The following TRIP12 variants were observed in gnomAD, a reference collection of about 807,000 sequenced individuals.
TRIP12 encodes the protein E3 ubiquitin-protein ligase TRIP12.
Under a neutral mutation model 244.2 loss-of-function variants are expected in TRIP12, and 25 were observed. The observed-to-expected ratio is 0.10, with a 90% CI of 0.07 to 0.14. TRIP12 has a LOEUF of 0.14. Ranked by LOEUF, TRIP12 falls within the 10% of genes least tolerant of loss-of-function variation. TRIP12 has a pLI of 1.00. For synonymous variants in TRIP12, 905 were observed against 873.1 expected (o/e 1.04, Z -0.64); for missense variants, 1,677 against 2,486.4 (o/e 0.67, Z 6.92).
chr2:229,795,251 T>A lies in TRIP12; in HGVS notation c.3896A>T (p.Asn1299Ile). 6.2e-7 allele frequency: 1 copy of A among 1,614,114 alleles called. No individual in the cohort carries two copies. Among genetic ancestry groups the A allele is most frequent in the Non-Finnish European group, 8.5e-7 (1 of 1,179,988 alleles). The part of the protein sequence containing the change: ...PLLALVHKMN[N>I]CLSQMEQFPV... ...AAATTGTTCCATCTGGCTGAGGCAG[T>A]TGTTCATCTTGTGAACTAATGCCAA... Residue 1299 changes from asparagine to isoleucine, a missense_variant, in exon 26 of 42, where the codon AAC becomes ATC. Physicochemically the swap from Asn to Ile is moderately radical, Grantham distance 149. Around this residue, in one of 11 missense-constraint regions of TRIP12, gnomAD observed 77 missense variants for 69.2 expected, o/e 1.11. Transcript: ENST00000675903.
chr2:229,860,196 AAT>A (rs2060234526), intron 3 of TRIP12, among the ~76,000 whole-genome samples: 1 of 152,224 alleles, frequency 6.6e-6, no homozygotes, highest in Admixed American at 6.5e-5. Flanking sequence ...TCCAAACAAA[AAT>A]ATCATTTTAT....
intron 34 of TRIP12, among the ~76,000 whole-genome samples, chr2:229,780,651 T>C (rs576330709): frequency 9.1e-4 from 139 of 152,294 alleles, no homozygotes; most frequent in African/African-American, 3.2e-3. Flanking sequence ...TGCTTCTCTG[T>C]TCTTGTGCTA....
rs1287737255 is a variant in TRIP12 at position 229,814,140 on chromosome 2, TTACAAAAACTGCAATCAAGTAGCCTG to T, written c.1824+67_1824+92del. ...TTACTCTGGAAACAACATTTGTATC[TTACAAAAACTGCAATCAAGTAGCCTG>T]TACAAATGTGGATTTTAAAAATTCT... On this transcript the variant is annotated intron_variant, in intron 12 of 41. Transcript: ENST00000675903. 3 of 1,527,814 alleles carry T rather than the reference TTACAAAAACTGCAATCAAGTAGCCTG, an allele frequency of 2.0e-6. No individual in the cohort carries two copies. In the African/African-American group the frequency reaches 4.2e-5, roughly 21 times the overall value. The allele number at this position is 1,527,814 out of a possible 1,614,324, so 94.6% of individuals were successfully genotyped here.
At chr2:229,815,634 C>T (rs1243527633) in intron 9 of TRIP12, among the ~76,000 whole-genome samples, 1 of 151,842 alleles carries the variant, frequency 6.6e-6, no homozygotes, top group Non-Finnish European at 1.5e-5. Context: ...TAATATATCC[C>T]TGAGGACTTA....
At chr2:229,905,354 A>G (rs1178900700) in intron 1 of TRIP12, among the ~76,000 whole-genome samples, 1 of 152,194 alleles carries the variant, frequency 6.6e-6, no homozygotes. Flanking sequence ...ACTAAGTTAT[A>G]GCAGGCAAAA....
At chr2:229,793,375 A>G in intron 26 of TRIP12, 1 of 333,060 alleles carries the variant, frequency 3.0e-6, no homozygotes, top group South Asian at 7.1e-5. Flanking sequence ...GAAAACCTTA[A>G]GTCAATATTT....
At chr2:229,866,624 AGC>A (rs1289242525) in intron 2 of TRIP12, among the ~76,000 whole-genome samples, 1 of 152,174 alleles carries the variant, frequency 6.6e-6, no homozygotes, top group East Asian at 1.9e-4. Context: ...CATTGTACTA[AGC>A]TACTCATTTC....
intron 9 of TRIP12, among the ~76,000 whole-genome samples, chr2:229,817,968 G>A (rs1334757344): frequency 2.0e-5 from 3 of 152,016 alleles, no homozygotes; most frequent in East Asian, 1.9e-4. Flanking sequence ...ATGTAGACAC[G>A]TACTAAATAT....
chr2:229,786,479 C>T (rs1170432931), intron 33 of TRIP12, among the ~76,000 whole-genome samples: 1 of 149,572 alleles, frequency 6.7e-6, no homozygotes, highest in Non-Finnish European at 1.5e-5. Flanking sequence ...CTCACCGCAA[C>T]CTCCAACTCC....
chr2:229,831,754 C>T (rs2053451737), intron 6 of TRIP12, among the ~76,000 whole-genome samples: 1 of 152,164 alleles, frequency 6.6e-6, no homozygotes, highest in Admixed American at 6.5e-5. Context: ...GACAAAAAAA[C>T]AGTCTAAGCT....
At chr2:229,895,235 G>A (rs1229132105) in intron 1 of TRIP12, among the ~76,000 whole-genome samples, 2 of 152,120 alleles carry the variant, frequency 1.3e-5, no homozygotes, top group Admixed American at 6.5e-5. Context: ...ATAAAGCTCA[G>A]ACAGGTCTGG....
chr2:229,772,978 G>A (rs1172974403), intron 38 of TRIP12, among the ~76,000 whole-genome samples: 1 of 151,726 alleles, frequency 6.6e-6, no homozygotes, highest in African/African-American at 2.4e-5. Context: ...TGGTAATAAG[G>A]ATCTATATAG....
chr2:229,892,865 C>T (rs1260474738), intron 1 of TRIP12, among the ~76,000 whole-genome samples: 1 of 150,872 alleles, frequency 6.6e-6, no homozygotes, highest in Non-Finnish European at 1.5e-5. Context: ...GACCCTGCCT[C>T]GAAAAAATAA....
chr2:229,920,344 C>G (rs2076260253), intron 1 of TRIP12, among the ~76,000 whole-genome samples: 1 of 152,138 alleles, frequency 6.6e-6, no homozygotes, highest in African/African-American at 2.4e-5. Context: ...CGGAGTAAAG[C>G]CCGGAGATCG....
At chr2:229,861,939 T>C (rs1451409926) in intron 2 of TRIP12, among the ~76,000 whole-genome samples, 2 of 152,224 alleles carry the variant, frequency 1.3e-5, no homozygotes, top group Non-Finnish European at 2.9e-5. Context: ...TTATTAGTCT[T>C]CACTTTTAGT....
intron 3 of TRIP12, 82 bp downstream of exon 3, chr2:229,860,324 T>C (rs1298562200): frequency 1.1e-5 from 17 of 1,491,484 alleles, no homozygotes; most frequent in Non-Finnish European, 1.5e-5. Context: ...CGTTTTGGAA[T>C]AACCTCAAGT....
chr2:229,922,742 A>C (rs1306544137), upstream of TRIP12: 4 of 877,106 alleles, frequency 4.6e-6, no homozygotes, highest in East Asian at 1.1e-4. Context: ...CCGCGCCGGG[A>C]GATTTTCCTC....
At chr2:229,883,314 T>C (rs2065253085) in intron 1 of TRIP12, among the ~76,000 whole-genome samples, 1 of 152,234 alleles carries the variant, frequency 6.6e-6, no homozygotes, top group African/African-American at 2.4e-5. Context: ...CCAAAAGTTT[T>C]CTCTACGCAA....
At chr2:229,854,038 T>G (rs1331514103) in intron 4 of TRIP12, among the ~76,000 whole-genome samples, 1 of 152,226 alleles carries the variant, frequency 6.6e-6, no homozygotes, top group Non-Finnish European at 1.5e-5. Flanking sequence ...TGTATATATA[T>G]TCCTAGTTTT....
Sources: allele counts gnomAD v4.1 joint callset (sites outside exome capture counted in the v4.1 genomes callset), GRCh38; gene constraint gnomAD v4.1.1; regional missense constraint gnomAD v4.1.1; transcripts MANE v1.5; gene names NCBI Gene and HGNC (gene_info 2026-07-23, HGNC 2026-07-21).